XKR4: variants seen among roughly 807,000 people sequenced by gnomAD.
XKR4 encodes the protein XK related 4.
XKR4 carries 12 observed loss-of-function variants against 53.9 expected under a neutral mutation model. The ratio of observed to expected loss-of-function variants is 0.22; its 90% CI spans 0.14 to 0.36. XKR4 has a LOEUF of 0.36. Ranked by LOEUF, XKR4 falls within the 10% of genes least tolerant of loss-of-function variation. The pLI is 1.00. For missense variants in XKR4, 799 were observed against 859.5 expected (o/e 0.93, Z 0.88); for synonymous variants, 354 against 362.4 (o/e 0.98, Z 0.26).
intron 1 of XKR4, among the ~76,000 whole-genome samples, chr8:55,350,408 G>A (rs532853989): frequency 6.6e-6 from 1 of 152,266 alleles, no homozygotes; most frequent in South Asian, 2.1e-4. Context: ...TCAAGGAGTT[G>A]CTATGTTGTA....
intron 2 of XKR4, among the ~76,000 whole-genome samples, chr8:55,458,041 A>G (rs1053022360): frequency 6.6e-6 from 1 of 152,244 alleles, no homozygotes; most frequent in African/African-American, 2.4e-5. Flanking sequence ...TATTGTTAAT[A>G]TGACAGTCCT....
chr8:55,397,562 C>A lies in XKR4; in HGVS notation c.1006+39685C>A, dbSNP rs140252737. ...GGCTGTGACCTTGCCTCCACTGGAG[C>A]TGTGCCCTTAACGAAGTTCAATGTT... On this transcript the variant is annotated intron_variant, in intron 2 of 2. Transcript: ENST00000327381. Among the ~76,000 whole-genome samples, 130 of 149,634 alleles carry A rather than the reference C, an allele frequency of 8.7e-4. 1 individual carries two copies. The highest frequency in any genetic ancestry group is 3.0e-3 in the African/African-American group (122 of 40,224).
At chr8:55,153,881 G>T (rs1816871235) in intron 1 of XKR4, among the ~76,000 whole-genome samples, 1 of 152,156 alleles carries the variant, frequency 6.6e-6, no homozygotes, top group Non-Finnish European at 1.5e-5. Flanking sequence ...GAAGATATTA[G>T]ACATACAGGC....
Position 55,524,350 on chromosome 8 carries a change from C to T in XKR4, c.*123C>T. On this transcript the variant is annotated 3_prime_UTR_variant, in exon 3 of 3. Coordinates refer to ENST00000327381, the MANE Select transcript of XKR4 (RefSeq NM_052898.2). ...GTGAAGTTCCTAGTGGGACCGTCAT[C>T]ACCATTATCATTTGATCCTGTCGGC... The T allele has an allele frequency of 1.1e-6, 1 of 952,262 alleles. No homozygotes were observed. Among genetic ancestry groups the T allele is most frequent in the Non-Finnish European group, 1.5e-6 (1 of 651,360 alleles). 59.0% of individuals were successfully genotyped at this position (952,262 alleles called of 1,614,324 possible). A position where few individuals can be genotyped will look rare whatever the true frequency, so the allele number is the denominator to read the frequency against.
At position 55,102,539 on chromosome 8, in the gene XKR4, G is replaced by C; in HGVS notation, c.51G>C (p.Val17=). ...GRLKMKKSSD[V]AFTPLQNSDH... is the part of the protein sequence containing the mutation. ...TGAAAATGAAGAAAAGCAGCGACGT[G>C]GCGTTCACCCCGCTGCAGAACTCGG... is the stretch of plus-strand genomic sequence containing the variant. Residue 17 remains valine (V), a synonymous_variant, in exon 1 of 3, where the codon GTG becomes GTC. Transcript: ENST00000327381. The surrounding 1 kb of genome is among the most constrained non-coding windows in gnomAD (Gnocchi z 5.1). 1 of 1,550,888 alleles carries C rather than the reference G, an allele frequency of 6.4e-7. No individual in the cohort carries two copies. The highest frequency in any genetic ancestry group is 1.1e-5 in the South Asian group (1 of 88,084).
intron 2 of XKR4, among the ~76,000 whole-genome samples, chr8:55,361,357 C>T (rs1457421312): frequency 3.3e-5 from 5 of 152,056 alleles, no homozygotes; most frequent in South Asian, 2.1e-4. Flanking sequence ...CACTCGACCG[C>T]GGAGATGGAC....
At chr8:55,390,038 A>T (rs988530607) in intron 2 of XKR4, among the ~76,000 whole-genome samples, 2 of 152,236 alleles carry the variant, frequency 1.3e-5, no homozygotes, top group Non-Finnish European at 2.9e-5. Flanking sequence ...GCTAACGGGA[A>T]AAAACAAACT....
chr8:55,170,505 A>G (rs1306117696), intron 1 of XKR4, among the ~76,000 whole-genome samples: 2 of 152,200 alleles, frequency 1.3e-5, no homozygotes, highest in Non-Finnish European at 2.9e-5. Flanking sequence ...CAGAAGGAAC[A>G]TAGACCCGCT....
At chr8:55,249,220 G>A (rs1040484367) in intron 1 of XKR4, among the ~76,000 whole-genome samples, 1 of 152,182 alleles carries the variant, frequency 6.6e-6, no homozygotes, top group Non-Finnish European at 1.5e-5. Flanking sequence ...AATATAAACA[G>A]TACTCATGAA....
At position 55,534,722 on chromosome 8, in the gene XKR4, C is replaced by A. The variant is rs965580618; in HGVS notation, c.*10495C>A. On this transcript the variant is annotated 3_prime_UTR_variant, in exon 3 of 3. Coordinates refer to ENST00000327381, the MANE Select transcript of XKR4 (RefSeq NM_052898.2). ...TTTCACATAGAGGTAAACAGATCAT[C>A]TCTTAATTTAATACATGGTTCTTTC... The A allele has an allele frequency of 6.6e-6, 1 of 150,566 alleles. No individual in the cohort carries two copies. Among genetic ancestry groups the A allele is most frequent in the Non-Finnish European group, 1.5e-5 (1 of 67,690 alleles). 9.3% of individuals were successfully genotyped at this position (150,566 alleles called of 1,614,324 possible).
At chr8:55,462,383 A>C (rs1805673725) in intron 2 of XKR4, among the ~76,000 whole-genome samples, 1 of 152,180 alleles carries the variant, frequency 6.6e-6, no homozygotes, top group Non-Finnish European at 1.5e-5. Context: ...TAAGCTTCAT[A>C]AGTGAAGGAG....
At chr8:55,303,442 A>T (rs1819236915) in intron 1 of XKR4, among the ~76,000 whole-genome samples, 1 of 152,032 alleles carries the variant, frequency 6.6e-6, no homozygotes, top group Admixed American at 6.5e-5. Context: ...CATCAAGGAT[A>T]TTGGTCTAAA....
At position 55,523,481 on chromosome 8, in the gene XKR4, A is replaced by T; in HGVS notation, c.1207A>T (p.Ile403Phe). The change falls in exon 3 of 3, where the codon ATC becomes TTC. Residue 403 changes from isoleucine to phenylalanine, a missense_variant. Ile to Phe is a conservative substitution (Grantham distance 21). Around this residue, in one of 3 missense-constraint regions of XKR4, gnomAD observed 54 missense variants for 89.7 expected, o/e 0.60. Coordinates refer to ENST00000327381, the MANE Select transcript of XKR4 (RefSeq NM_052898.2). The stretch of plus-strand genomic sequence containing the variant: ...CTCGGTTTTCCAGCTGTACTTTGGG[A>T]TCTTCATCGTCCTTCACTGGTGCAT... ...FASVFQLYFGIFIVLHWCIMT... is the reference protein window; with the variant it reads ...FASVFQLYFGFFIVLHWCIMT... The T allele has an allele frequency of 1.2e-6, 2 of 1,614,024 alleles. No homozygotes were observed. Among genetic ancestry groups the T allele is most frequent in the Non-Finnish European group, 1.7e-6 (2 of 1,180,002 alleles).
At chr8:55,176,750 A>C (rs1189925471) in intron 1 of XKR4, among the ~76,000 whole-genome samples, 1 of 152,036 alleles carries the variant, frequency 6.6e-6, no homozygotes, top group Non-Finnish European at 1.5e-5. Flanking sequence ...TTCTCCCACA[A>C]AATAGCTAAT....
At chr8:55,481,161 A>G (rs1165055708) in intron 2 of XKR4, among the ~76,000 whole-genome samples, 1 of 149,946 alleles carries the variant, frequency 6.7e-6, no homozygotes, top group Non-Finnish European at 1.5e-5. Context: ...CTACAAGGCT[A>G]CAGTAAACAA....
At chr8:55,132,905 C>G (rs938624659) in intron 1 of XKR4, among the ~76,000 whole-genome samples, 1 of 151,804 alleles carries the variant, frequency 6.6e-6, no homozygotes, top group Non-Finnish European at 1.5e-5. Flanking sequence ...TGATGGGGGG[C>G]CATTCTCCGA....
intron 2 of XKR4, among the ~76,000 whole-genome samples, chr8:55,364,639 T>G (rs1803950656): frequency 6.6e-6 from 1 of 152,094 alleles, no homozygotes; most frequent in African/African-American, 2.4e-5. Context: ...GTTGGGGTTT[T>G]TTTTGTTTTC....
intron 1 of XKR4, among the ~76,000 whole-genome samples, chr8:55,128,097 G>A (rs184877464): frequency 7.8e-4 from 119 of 152,132 alleles, no homozygotes; most frequent in African/African-American, 2.7e-3. Context: ...TATATACCCA[G>A]TAATGGGATG....
chr8:55,374,927 T>C (rs1329219179), intron 2 of XKR4, among the ~76,000 whole-genome samples: 1 of 152,220 alleles, frequency 6.6e-6, no homozygotes, highest in African/African-American at 2.4e-5. Flanking sequence ...ACTGTGGTGA[T>C]GGAGCTGTGA....
Sources: gnomAD v4.1 joint callset for allele counts (sites outside exome capture counted in the v4.1 genomes callset) on GRCh38, gnomAD v4.1.1 for gene constraint, gnomAD v4.1.1 regional missense constraint, Gnocchi (gnomAD v3.1) non-coding constraint, MANE v1.5 for transcripts, NCBI Gene and HGNC (gene_info 2026-07-23, HGNC 2026-07-21) for gene names.